The following PCDHGA9 variants were observed in gnomAD, a reference collection of about 807,000 sequenced individuals.
The protein encoded by PCDHGA9 is protocadherin gamma subfamily A, 9.
Under a neutral mutation model 62.5 loss-of-function variants are expected in PCDHGA9, and 37 were observed. That is an observed-to-expected ratio of 0.59 (90% CI 0.46 to 0.78). The LOEUF (loss-of-function observed/expected upper bound fraction) is 0.78. Among genes scored for constraint, PCDHGA9 ranks in the 30% least tolerant of loss-of-function variants. PCDHGA9 has a pLI of 0.00. For missense variants in PCDHGA9, 1,138 were observed against 1,166.2 expected (o/e 0.98, Z 0.35); for synonymous variants, 459 against 484.6 (o/e 0.95, Z 0.69).
At chr5:141,406,729 C>A (rs1051103218) in intron 1 of PCDHGA9, among the ~76,000 whole-genome samples, 1 of 152,200 alleles carries the variant, frequency 6.6e-6, no homozygotes, top group Non-Finnish European at 1.5e-5. Context: ...GTTTCTAAGA[C>A]TGGACACTGT....
intron 3 of PCDHGA9, among the ~76,000 whole-genome samples, chr5:141,508,742 C>A (rs955179947): frequency 2.0e-5 from 3 of 151,998 alleles, no homozygotes; most frequent in Admixed American, 6.6e-5. Context: ...CCCCCCACCC[C>A]GCTCTTTCTC....
chr5:141,409,130 G>T (rs1265386524), intron 1 of PCDHGA9: 1 of 1,613,994 alleles, frequency 6.2e-7, no homozygotes, highest in Admixed American at 1.7e-5. Context: ...ATTTGATTTT[G>T]AAGATGTAGA....
Position 141,476,160 on chromosome 5 carries a change from G to A in PCDHGA9, c.2425-18647G>A, listed in dbSNP as rs781765205. 4.3e-6 allele frequency: 7 copies of A among 1,612,858 alleles called. No homozygotes were observed. The highest frequency in any genetic ancestry group is 5.9e-6 in the Non-Finnish European group (7 of 1,179,926). On this transcript the variant is annotated intron_variant, in intron 1 of 3. Coordinates refer to ENST00000573521, the MANE Select transcript of PCDHGA9 (RefSeq NM_018921.3). This position sits in a 1 kb window ranked among gnomAD's most constrained non-coding sequence, Gnocchi z 7.6. ...AGGAGCGGACTGGTAAGCACCGGGA[G>A]GGTAGTGGGAGTTTTGCTTCTGCTT...
chr5:141,417,751 C>T, intron 1 of PCDHGA9: 1 of 1,427,514 alleles, frequency 7.0e-7, no homozygotes, highest in Non-Finnish European at 9.2e-7. Flanking sequence ...AGATTGCCAG[C>T]TCCGAGACCC....
chr5:141,419,890 C>T (rs775698934), intron 1 of PCDHGA9: 3 of 1,614,102 alleles, frequency 1.9e-6, no homozygotes, highest in Non-Finnish European at 2.5e-6. Flanking sequence ...ATTTCAGCGA[C>T]CATCCCACAC....
chr5:141,470,748 A>C (rs1163686396), intron 1 of PCDHGA9, among the ~76,000 whole-genome samples: 1 of 152,106 alleles, frequency 6.6e-6, no homozygotes. Flanking sequence ...CCCTGGCTGG[A>C]GTGCAGTGGA....
chr5:141,404,736 A>T lies in PCDHGA9; in HGVS notation c.1784A>T (p.Asp595Val). The change falls in exon 1 of 4, where the codon GAC becomes GTC. Residue 595 changes from aspartate (D) to valine (V), a missense_variant. Physicochemically the swap from Asp to Val is radical, Grantham distance 152. Coordinates refer to ENST00000573521, the MANE Select transcript of PCDHGA9 (RefSeq NM_018921.3). ...CTGGTGACCAAGGTGGTGGCAGTGG[A>T]CAGAGACTCAGGCCAGAATGCTTGG... ...GYLVTKVVAV[D>V]RDSGQNAWLS... 1 of 1,613,622 alleles carries T rather than the reference A, an allele frequency of 6.2e-7. No homozygotes were observed.
At chr5:141,415,475 C>T in intron 1 of PCDHGA9, 1 of 1,614,162 alleles carries the variant, frequency 6.2e-7, no homozygotes, top group Non-Finnish European at 8.5e-7. Flanking sequence ...ACCGCGGACT[C>T]GCGAAAGAGT....
chr5:141,429,528 A>T (rs1405050386), intron 1 of PCDHGA9, among the ~76,000 whole-genome samples: 1 of 152,166 alleles, frequency 6.6e-6, no homozygotes, highest in African/African-American at 2.4e-5. Context: ...AAAAAAGCTT[A>T]AAAAAATAAG....
intron 1 of PCDHGA9, among the ~76,000 whole-genome samples, chr5:141,467,727 T>C (rs1562013145): frequency 6.6e-6 from 1 of 152,046 alleles, no homozygotes; most frequent in African/African-American, 2.4e-5. Flanking sequence ...AGTGGCACAA[T>C]CCCAGCTCGC....
chr5:141,512,702 C>T lies in PCDHGA9; in HGVS notation c.*1529C>T, dbSNP rs940927635. 2.0e-5 allele frequency: 3 copies of T among 152,828 alleles called. No homozygotes were observed. Among genetic ancestry groups the T allele is most frequent in the Non-Finnish European group, 2.9e-5 (2 of 68,560 alleles). The allele number at this position is 152,828 out of a possible 1,614,324, so 9.5% of individuals were successfully genotyped here. ...ATAGCCAGTAGTGTAGTGCGGTGTG[C>T]TTTTACGTGATGGCGGGTGGGCAGC... On this transcript the variant is annotated 3_prime_UTR_variant, in exon 4 of 4. Transcript: ENST00000573521.
In PCDHGA9 at chr5:141,489,950, A is replaced by C. The variant is rs1055715796; in HGVS notation, c.2425-4857A>C. 1 of 1,614,192 alleles carries C rather than the reference A, an allele frequency of 6.2e-7. No homozygotes were observed. The highest frequency in any genetic ancestry group is 1.3e-5 in the African/African-American group (1 of 75,060). ...TCTGTCATCGTGCTGGACATCAATG[A>C]TAATGCTCCAACCTTCCAATCCTCA... is the stretch of plus-strand genomic sequence containing the variant. On this transcript the variant is annotated intron_variant, in intron 1 of 3. Coordinates refer to ENST00000573521, the MANE Select transcript of PCDHGA9 (RefSeq NM_018921.3). The surrounding 1 kb of genome is among the most constrained non-coding windows in gnomAD (Gnocchi z 4.5).
At position 141,486,169 on chromosome 5, in the gene PCDHGA9, A is replaced by G. The variant is rs2099625537; in HGVS notation, c.2425-8638A>G. The G allele has an allele frequency of 1.2e-6, 2 of 1,614,088 alleles. No individual in the cohort carries two copies. Among genetic ancestry groups the G allele is most frequent in the East Asian group, 2.2e-5 (1 of 44,890 alleles). On this transcript the variant is annotated intron_variant, in intron 1 of 3. Transcript: ENST00000573521. The surrounding 1 kb of genome is among the most constrained non-coding windows in gnomAD (Gnocchi z 5.0). ...ATGGGGGTTCTCCAGCCATGGAGCA[A>G]CATTGCAGCCTTCGAGTGGATCTGC...
chr5:141,420,286 A>C, intron 1 of PCDHGA9: 1 of 1,505,774 alleles, frequency 6.6e-7, no homozygotes, highest in Non-Finnish European at 8.9e-7. Flanking sequence ...TAAGTATTTA[A>C]AAATGTATTT....
rs1488446232 is a variant in PCDHGA9, at chr5:141,493,171, A to G, written c.2425-1636A>G. On this transcript the variant is annotated intron_variant, in intron 1 of 3. Coordinates refer to ENST00000573521, the MANE Select transcript of PCDHGA9 (RefSeq NM_018921.3). This position sits in a 1 kb window ranked among gnomAD's most constrained non-coding sequence, Gnocchi z 4.3. ...GGTGATTTTGATAGCTGATTGAGAG[A>G]AACTTACTATATAACTCCTTTGAGA... is the stretch of plus-strand genomic sequence containing the variant. 6.6e-6 allele frequency among the ~76,000 whole-genome samples: 1 copy of G among 152,214 alleles called. No homozygotes were observed. The highest frequency in any genetic ancestry group is 1.5e-5 in the Non-Finnish European group (1 of 68,034).
rs972633773 is a variant in PCDHGA9, at chr5:141,489,751, A to T, written c.2425-5056A>T. ...GGGCACCAATACTGTGAGCTTTTAC[A>T]CTCTAAGCCCCAACAGCCACTTCTC... On this transcript the variant is annotated intron_variant, in intron 1 of 3. Coordinates refer to ENST00000573521, the MANE Select transcript of PCDHGA9 (RefSeq NM_018921.3). The surrounding 1 kb of genome is among the most constrained non-coding windows in gnomAD (Gnocchi z 4.5). The T allele has an allele frequency of 1.9e-6, 3 of 1,613,740 alleles. No individual in the cohort carries two copies. Among genetic ancestry groups the T allele is most frequent in the African/African-American group, 2.7e-5 (2 of 74,840 alleles).
chr5:141,511,117 G>A lies in PCDHGA9; in HGVS notation c.2743G>A (p.Ala915Thr). Residue 915 changes from alanine to threonine, a missense_variant, in exon 4 of 4, where the codon GCC becomes ACC. Physicochemically the swap from Ala to Thr is moderately conservative, Grantham distance 58. Coordinates refer to ENST00000573521, the MANE Select transcript of PCDHGA9 (RefSeq NM_018921.3). ...TNAAGKRDGK[A>T]PAGGNGNKKK... ...CGCAGCTGGCAAGCGGGATGGCAAG[G>A]CCCCAGCAGGTGGCAATGGCAACAA... 6.2e-7 allele frequency: 1 copy of A among 1,614,216 alleles called. No homozygotes were observed. Among genetic ancestry groups the A allele is most frequent in the Non-Finnish European group, 8.5e-7 (1 of 1,180,026 alleles).
chr5:141,510,015 A>G (rs2099879210), intron 3 of PCDHGA9, among the ~76,000 whole-genome samples: 1 of 152,210 alleles, frequency 6.6e-6, no homozygotes, highest in Non-Finnish European at 1.5e-5. Flanking sequence ...GTCATACCAC[A>G]TAGCTGGCTG....
intron 1 of PCDHGA9, chr5:141,441,867 GCCTGGCTA>G (rs2098280856): frequency 1.2e-5 from 4 of 345,682 alleles, no homozygotes; most frequent in Non-Finnish European, 2.3e-5. Flanking sequence ...ACGCCGCGGA[GCCTGGCTA>G]CCTGGTCACC....
Sources: allele counts gnomAD v4.1 joint callset (sites outside exome capture counted in the v4.1 genomes callset), GRCh38; gene constraint gnomAD v4.1.1; non-coding constraint Gnocchi (gnomAD v3.1); transcripts MANE v1.5; gene names NCBI Gene and HGNC (gene_info 2026-07-23, HGNC 2026-07-21).